DACH1: variants seen among roughly 807,000 people sequenced by gnomAD.
DACH1 encodes dachshund homolog 1.
A neutral mutation model predicts 54.2 loss-of-function variants in DACH1; 12 were observed. The observed-to-expected ratio is 0.22, with a 90% CI of 0.14 to 0.36. DACH1 has a LOEUF of 0.36. Among genes scored for constraint, DACH1 ranks in the 10% least tolerant of loss-of-function variants. The pLI is 1.00. For missense variants in DACH1, 805 were observed against 929.8 expected (o/e 0.87, Z 1.75); for synonymous variants, 386 against 366.2 (o/e 1.05, Z -0.62).
chr13:71,631,438 T>C (rs969701929), intron 2 of DACH1, among the ~76,000 whole-genome samples: 1 of 152,110 alleles, frequency 6.6e-6, no homozygotes, highest in Non-Finnish European at 1.5e-5. Flanking sequence ...GGGACACCTG[T>C]TTTCCTCACT....
chr13:71,669,309 G>C (rs1035501193), intron 2 of DACH1, among the ~76,000 whole-genome samples: 3 of 152,194 alleles, frequency 2.0e-5, no homozygotes, highest in African/African-American at 7.2e-5. Flanking sequence ...ATTAGCGCCT[G>C]AGCTCCATCT....
chr13:71,844,574 A>G (rs1219022313), intron 1 of DACH1, among the ~76,000 whole-genome samples: 5 of 152,200 alleles, frequency 3.3e-5, no homozygotes, highest in African/African-American at 1.2e-4. Flanking sequence ...TATCATTTAT[A>G]CATGATCTTT....
intron 1 of DACH1, among the ~76,000 whole-genome samples, chr13:71,727,553 G>T (rs1883529292): frequency 1.3e-5 from 2 of 151,998 alleles, no homozygotes; most frequent in Non-Finnish European, 2.9e-5. Flanking sequence ...AAATGTGTTT[G>T]ATATGTACAA....
At position 71,724,053 on chromosome 13, in the gene DACH1, G is replaced by T. The variant is rs578166640; in HGVS notation, c.849-42143C>A. Among the ~76,000 whole-genome samples the T allele has an allele frequency of 9.2e-5, 14 of 152,158 alleles. No individual in the cohort carries two copies. In the East Asian group the frequency reaches 2.5e-3, roughly 27 times the overall value. ...TTTTGATAGGAATCAGCAATTCTTA[G>T]ATTAGTCTGAAAAGCCCTCTCAGTA... is the stretch of plus-strand genomic sequence containing the variant. On this transcript the variant is annotated intron_variant, in intron 1 of 10. Transcript: ENST00000613252.
intron 4 of DACH1, among the ~76,000 whole-genome samples, 172 bp from the exon 5 acceptor site, chr13:71,560,127 A>G (rs1884496509): frequency 6.6e-6 from 1 of 152,236 alleles, no homozygotes; most frequent in African/African-American, 2.4e-5. Flanking sequence ...CAAGCCAAAT[A>G]AAGTAGAAAA....
intron 6 of DACH1, among the ~76,000 whole-genome samples, chr13:71,550,254 C>G (rs77681580): frequency 9.9e-5 from 15 of 152,194 alleles, no homozygotes; most frequent in South Asian, 8.3e-4. Context: ...TTATATGCAT[C>G]AAGCACTCCA....
At chr13:71,501,498 G>C (rs1203912414) in intron 6 of DACH1, among the ~76,000 whole-genome samples, 4 of 152,270 alleles carry the variant, frequency 2.6e-5, no homozygotes, top group East Asian at 1.9e-4. Context: ...ACAGATTACA[G>C]AGCATATGTT....
chr13:71,636,322 G>T (rs1877485788), intron 2 of DACH1, among the ~76,000 whole-genome samples: 1 of 151,966 alleles, frequency 6.6e-6, no homozygotes, highest in African/African-American at 2.4e-5. Context: ...TATTTTAAAA[G>T]ATTCTAAATC....
At position 71,685,500 on chromosome 13, in the gene DACH1, C is replaced by T. The variant is rs139963434; in HGVS notation, c.849-3590G>A. 1.7e-3 allele frequency among the ~76,000 whole-genome samples: 263 copies of T among 152,206 alleles called. 2 individuals carry two copies. The highest frequency in any genetic ancestry group is 4.6e-3 in the Admixed American group (71 of 15,288). On this transcript the variant is annotated intron_variant, in intron 1 of 10. Coordinates refer to ENST00000613252, the MANE Select transcript of DACH1 (RefSeq NM_080759.6). Reference sequence around the variant, plus strand: ...TAAGAACAGGACAACAACTATGAACCTCTCGTTGGAGTTATTCCCAACTTC... The same window carrying T: ...TAAGAACAGGACAACAACTATGAACTTCTCGTTGGAGTTATTCCCAACTTC...
rs920574097 is a variant in DACH1 at position 71,859,109 on chromosome 13, A to C, written c.848+6813T>G. On this transcript the variant is annotated intron_variant, in intron 1 of 10. Coordinates refer to ENST00000613252, the MANE Select transcript of DACH1 (RefSeq NM_080759.6). ...TTTCCAGTTTAATGAGTTGTCTTTGACAACTTCCAATCAAGTCACATACAT... is the reference window on the plus strand; with the variant it reads ...TTTCCAGTTTAATGAGTTGTCTTTGCCAACTTCCAATCAAGTCACATACAT... Among the ~76,000 whole-genome samples the C allele has an allele frequency of 2.0e-5, 3 of 151,806 alleles. No individual in the cohort carries two copies. In the East Asian group the frequency reaches 5.8e-4, roughly 29 times the overall value.
At chr13:71,618,025 ACC>A (rs2138534036) in intron 3 of DACH1, among the ~76,000 whole-genome samples, 1 of 152,314 alleles carries the variant, frequency 6.6e-6, no homozygotes, top group East Asian at 1.9e-4. Flanking sequence ...CCTACAGTCA[ACC>A]GTAAGTGACT....
intron 3 of DACH1, among the ~76,000 whole-genome samples, chr13:71,600,778 AAAGT>A (rs1159433470): frequency 6.6e-6 from 1 of 152,112 alleles, no homozygotes; most frequent in Non-Finnish European, 1.5e-5. Flanking sequence ...ATATTTTAAA[AAAGT>A]ATATAAAGAG....
chr13:71,845,305 C>T (rs1188280137), intron 1 of DACH1, among the ~76,000 whole-genome samples: 1 of 152,122 alleles, frequency 6.6e-6, no homozygotes, highest in Non-Finnish European at 1.5e-5. Flanking sequence ...AACTACCCCA[C>T]TAAGGAATTT....
chr13:71,675,224 G>GT, intron 2 of DACH1: 1 of 1,569,626 alleles, frequency 6.4e-7, no homozygotes, highest in Middle Eastern at 1.8e-4. Flanking sequence ...GAAGTTAGAC[G>GT]TTATCAGAAG....
At chr13:71,578,897 G>T (rs1413164848) in intron 3 of DACH1, among the ~76,000 whole-genome samples, 1 of 151,966 alleles carries the variant, frequency 6.6e-6, no homozygotes, top group Non-Finnish European at 1.5e-5. Context: ...ATTCTGCTTG[G>T]CTTAATATTC....
At chr13:71,452,081 G>A (rs1013886145) in intron 10 of DACH1, among the ~76,000 whole-genome samples, 4 of 152,064 alleles carry the variant, frequency 2.6e-5, no homozygotes, top group African/African-American at 9.7e-5. Flanking sequence ...TTTTTACACT[G>A]TTCCTGGACT....
intron 3 of DACH1, among the ~76,000 whole-genome samples, chr13:71,600,823 AATT>A (rs1158857807): frequency 1.8e-4 from 28 of 152,096 alleles, no homozygotes; most frequent in African/African-American, 6.5e-4. Context: ...ATTAGACTAG[AATT>A]AAGTCATTCT....
chr13:71,794,964 A>G (rs1886983178), intron 1 of DACH1, among the ~76,000 whole-genome samples: 1 of 152,166 alleles, frequency 6.6e-6, no homozygotes. Context: ...ATATACATAG[A>G]ATATAGTATA....
chr13:71,791,663 C>T (rs900995550), intron 1 of DACH1, among the ~76,000 whole-genome samples: 3 of 152,186 alleles, frequency 2.0e-5, no homozygotes, highest in African/African-American at 7.2e-5. Context: ...GGATTATAGG[C>T]ATGAGCCACC....
Sources: allele counts gnomAD v4.1 joint callset (sites outside exome capture counted in the v4.1 genomes callset), GRCh38; gene constraint gnomAD v4.1.1; transcripts MANE v1.5; gene names NCBI Gene and HGNC (gene_info 2026-07-23, HGNC 2026-07-21).